GP9: variants seen among roughly 807,000 people sequenced by gnomAD.
GP9 encodes the protein glycoprotein IX platelet, also known as platelet glycoprotein IX.
For synonymous variants in GP9, 116 were observed against 116.7 expected (o/e 0.99, Z 0.04); for missense variants, 228 against 241.8 (o/e 0.94, Z 0.38).
chr3:129,056,585 G>A (rs1279595262), upstream of GP9, among the ~76,000 whole-genome samples: 2 of 152,168 alleles, frequency 1.3e-5, no homozygotes, highest in Non-Finnish European at 2.9e-5. Context: ...AATTGCCTGA[G>A]AGGCTCAACC....
At chr3:129,057,826 G>C (rs979264117), upstream of GP9, among the ~76,000 whole-genome samples, 2 of 143,654 alleles carry the variant, frequency 1.4e-5, no homozygotes, top group African/African-American at 5.4e-5. Context: ...ATTATAGGTT[G>C]CTTCTTTTTT....
Position 129,061,604 on chromosome 3 carries a change from A to C in GP9, c.-28A>C, listed in dbSNP as rs962873640. The C allele has an allele frequency of 1.3e-6, 1 of 746,898 alleles. No homozygotes were observed. The highest frequency in any genetic ancestry group is 1.7e-5 in the African/African-American group (1 of 58,414). The allele number at this position is 746,898 out of a possible 1,614,324, so 46.3% of individuals were successfully genotyped here. On this transcript the variant is annotated 5_prime_UTR_variant, in exon 2 of 3. Coordinates refer to ENST00000307395, the MANE Select transcript of GP9 (RefSeq NM_000174.5). ...GCTGGTTTCCCAGAGGAGAAGGCTGAGACCCGAGAAGGGAGGTGAGTGCAC... is the reference window on the plus strand; with the variant it reads ...GCTGGTTTCCCAGAGGAGAAGGCTGCGACCCGAGAAGGGAGGTGAGTGCAC...
chr3:129,060,926 A>G (rs888070771), intron 1 of GP9, 76 bp downstream of exon 1: 1 of 152,632 alleles, frequency 6.6e-6, no homozygotes, highest in Non-Finnish European at 1.5e-5. Context: ...CTTTAACAAG[A>G]CAGGGTTGGG....
chr3:129,054,884 G>GCTTATCT, the GP9 span, among the ~76,000 whole-genome samples: 1 of 152,200 alleles, frequency 6.6e-6, no homozygotes, highest in Non-Finnish European at 1.5e-5. Flanking sequence ...TTTCAGTATT[G>GCTTATCT]CTTATCTCAA....
chr3:129,059,767 T>C (rs1433819041), upstream of GP9, among the ~76,000 whole-genome samples: 2 of 152,058 alleles, frequency 1.3e-5, no homozygotes, highest in Non-Finnish European at 2.9e-5. Flanking sequence ...TGCTTGGCCA[T>C]GCAGGAGGAG....
intron 1 of GP9, among the ~76,000 whole-genome samples, chr3:129,061,123 A>C (rs976842123): frequency 3.3e-5 from 5 of 152,106 alleles, no homozygotes; most frequent in South Asian, 2.1e-4. Context: ...GGCCTCTGAC[A>C]CCACACCGGT....
chr3:129,059,540 C>T (rs943849105), upstream of GP9, among the ~76,000 whole-genome samples: 1 of 152,230 alleles, frequency 6.6e-6, no homozygotes, highest in Non-Finnish European at 1.5e-5. Flanking sequence ...GGACCCCCAG[C>T]AGCAACCAGG....
At chr3:129,056,413 G>C (rs1175319530), upstream of GP9, among the ~76,000 whole-genome samples, 2 of 152,148 alleles carry the variant, frequency 1.3e-5, no homozygotes, top group Non-Finnish European at 2.9e-5. Flanking sequence ...TGTCTTGGGG[G>C]ATATTGAAAG....
Position 129,062,254 on chromosome 3 carries a change from C to A in GP9, c.515C>A (p.Thr172Asn), listed in dbSNP as rs532548457. The A allele has an allele frequency of 7.7e-6, 12 of 1,553,120 alleles. No individual in the cohort carries two copies. In the South Asian group the frequency reaches 1.2e-4, roughly 15 times the overall value. Residue 172 changes from threonine (T) to asparagine (N), a missense_variant, in exon 3 of 3, where the codon ACC becomes AAC. Physicochemically the swap from Thr to Asn is moderately conservative, Grantham distance 65. Transcript: ENST00000307395. ...CTTCTGGCTGGCCTGCTGTGTGCCACCACAGAGGCCCTGGATTGAGCCAGG... is the reference window on the plus strand; with the variant it reads ...CTTCTGGCTGGCCTGCTGTGTGCCAACACAGAGGCCCTGGATTGAGCCAGG... ...LALLAGLLCA[T>N]TEALD
chr3:129,059,057 T>A (rs1946548145), upstream of GP9, among the ~76,000 whole-genome samples: 1 of 152,242 alleles, frequency 6.6e-6, no homozygotes, highest in African/African-American at 2.4e-5. Context: ...CAGATGGGTA[T>A]GTATTTACCC....
At chr3:129,061,394 C>T (rs1946573168) in intron 1 of GP9, 100 bp from the exon 2 acceptor site, 4 of 422,124 alleles carry the variant, frequency 9.5e-6, no homozygotes, top group Non-Finnish European at 1.8e-5. Context: ...ACTCATTTAG[C>T]AGCCATCTGC....
At chr3:129,057,659 A>G (rs756332664), upstream of GP9, among the ~76,000 whole-genome samples, 3 of 152,140 alleles carry the variant, frequency 2.0e-5, no homozygotes, top group Non-Finnish European at 4.4e-5. Context: ...TAAGTTCTGA[A>G]TAGATCCTGG....
upstream of GP9, among the ~76,000 whole-genome samples, chr3:129,057,876 C>T (rs1472924160): frequency 2.2e-5 from 3 of 138,124 alleles, no homozygotes; most frequent in Admixed American, 7.8e-5. Context: ...TCTTGTTGCT[C>T]AGCCTGGAGT....
At position 129,061,736 on chromosome 3, in the gene GP9, T is replaced by C; in HGVS notation, c.-4T>C. 6.2e-7 allele frequency: 1 copy of C among 1,610,916 alleles called. No individual in the cohort carries two copies. The highest frequency in any genetic ancestry group is 8.5e-7 in the Non-Finnish European group (1 of 1,178,756). On this transcript the variant is annotated 5_prime_UTR_variant, in exon 3 of 3. Coordinates refer to ENST00000307395, the MANE Select transcript of GP9 (RefSeq NM_000174.5). ...AGCCCCTCTCTCTGCAGCCAGCCTG[T>C]CCCATGCCTGCCTGGGGAGCCCTGT...
intron 1 of GP9, among the ~76,000 whole-genome samples, 151 bp from the exon 2 acceptor site, chr3:129,061,343 G>A (rs1435421549): frequency 6.6e-6 from 1 of 152,190 alleles, no homozygotes; most frequent in Non-Finnish European, 1.5e-5. Flanking sequence ...GGCCCTCCAA[G>A]GCTCTTTCCT....
chr3:129,056,693 G>A (rs987843425), upstream of GP9, among the ~76,000 whole-genome samples: 2 of 152,184 alleles, frequency 1.3e-5, no homozygotes, highest in African/African-American at 4.8e-5. Flanking sequence ...GCAAACGGCT[G>A]GGTGAGTGCG....
upstream of GP9, among the ~76,000 whole-genome samples, chr3:129,060,079 TTA>T (rs1382893457): frequency 6.6e-6 from 1 of 152,172 alleles, no homozygotes; most frequent in Non-Finnish European, 1.5e-5. Context: ...CAAAATATAT[TTA>T]TCTTTTAAAG....
chr3:129,058,892 T>G (rs1946546666), upstream of GP9, among the ~76,000 whole-genome samples: 3 of 152,240 alleles, frequency 2.0e-5, no homozygotes, highest in Admixed American at 2.0e-4. Flanking sequence ...GGCAAAGCCC[T>G]GATTTGGGGG....
upstream of GP9, among the ~76,000 whole-genome samples, chr3:129,060,556 G>A (rs561841385): frequency 6.6e-6 from 1 of 152,242 alleles, no homozygotes; most frequent in Non-Finnish European, 1.5e-5. Flanking sequence ...GCCACCCTCA[G>A]TCCTCCACAG....
Sources: allele counts gnomAD v4.1 joint callset (sites outside exome capture counted in the v4.1 genomes callset), GRCh38; gene constraint gnomAD v4.1.1; transcripts MANE v1.5; gene names NCBI Gene and HGNC (gene_info 2026-07-23, HGNC 2026-07-21).